Variants in WDR49 observed in about 807,000 individuals in gnomAD.
WDR49 encodes WD repeat domain 49, also known as cilia- and flagella-associated protein 337.
A neutral mutation model predicts 119.5 loss-of-function variants in WDR49; 107 were observed. The observed-to-expected ratio is 0.90, with a 90% CI of 0.77 to 1.05. The LOEUF (loss-of-function observed/expected upper bound fraction) is 1.05, where lower values mean the gene tolerates loss of function less well. Among genes scored for constraint, WDR49 ranks in the 50% least tolerant of loss-of-function variants. WDR49 has a pLI of 0.00. For synonymous variants in WDR49, 425 were observed against 418.8 expected, an observed-to-expected ratio of 1.01 and a Z score of -0.18; for missense variants, 1,240 against 1,220.5, an observed-to-expected ratio of 1.02 and a Z score of -0.24.
chr3:167,522,056 T>C (rs1444212949), intron 16 of WDR49, among the ~76,000 whole-genome samples: 1 of 152,066 alleles, frequency 6.6e-6, no homozygotes. Flanking sequence ...CACAATTAGA[T>C]TGATGATGGA....
chr3:167,585,507 G>A (rs1310967573), intron 7 of WDR49, among the ~76,000 whole-genome samples: 2 of 150,904 alleles, frequency 1.3e-5, no homozygotes, highest in African/African-American at 2.4e-5. Flanking sequence ...GTTAAATTAT[G>A]GCCATCCATA....
intron 5 of WDR49, among the ~76,000 whole-genome samples, chr3:167,616,904 A>G (rs999812674): frequency 6.6e-6 from 1 of 152,212 alleles, no homozygotes; most frequent in Non-Finnish European, 1.5e-5. Flanking sequence ...GCTTGCCCCA[A>G]GAAGGACGTT....
chr3:167,625,832 A>G (rs1315755848), intron 3 of WDR49, among the ~76,000 whole-genome samples: 1 of 152,058 alleles, frequency 6.6e-6, no homozygotes, highest in East Asian at 1.9e-4. Flanking sequence ...CACCATGTAG[A>G]CACAATCTGT....
intron 18 of WDR49, among the ~76,000 whole-genome samples, chr3:167,494,138 C>T (rs1751255410): frequency 6.6e-6 from 1 of 152,072 alleles, no homozygotes; most frequent in Non-Finnish European, 1.5e-5. Flanking sequence ...CCACATAACT[C>T]CAAGAGGCAG....
intron 7 of WDR49, among the ~76,000 whole-genome samples, chr3:167,584,248 GA>G (rs915263170): frequency 4.0e-5 from 6 of 151,852 alleles, no homozygotes; most frequent in African/African-American, 1.5e-4. Context: ...AAAATATGGA[GA>G]AAAAAAATCT....
At chr3:167,574,880 A>G (rs1714148684) in intron 8 of WDR49, among the ~76,000 whole-genome samples, 1 of 152,220 alleles carries the variant, frequency 6.6e-6, no homozygotes, top group Non-Finnish European at 1.5e-5. Flanking sequence ...TAAAACATTT[A>G]GCAGGAAATG....
intron 1 of WDR49, 63 bp from the exon 2 acceptor site, chr3:167,653,562 A>G: frequency 9.3e-7 from 1 of 1,078,010 alleles, no homozygotes; most frequent in Non-Finnish European, 1.3e-6. Flanking sequence ...CTTTCAAGGC[A>G]TACGATCAGG....
intron 12 of WDR49, 139 bp from the exon 13 acceptor site, chr3:167,531,418 A>G (rs1399961963): frequency 2.1e-6 from 2 of 966,154 alleles, no homozygotes; most frequent in Non-Finnish European, 3.0e-6. Flanking sequence ...GTCAACATCT[A>G]TCAAGCCTTC....
intron 7 of WDR49, among the ~76,000 whole-genome samples, chr3:167,595,342 T>A (rs1715361332): frequency 6.6e-6 from 1 of 152,052 alleles, no homozygotes; most frequent in African/African-American, 2.4e-5. Flanking sequence ...TACCAATGAC[T>A]TTCCTCACAG....
At chr3:167,494,115 TGC>T (rs1233839140) in intron 18 of WDR49, among the ~76,000 whole-genome samples, 5 of 152,208 alleles carry the variant, frequency 3.3e-5, no homozygotes, top group African/African-American at 1.2e-4. Context: ...CTAGCTATTG[TGC>T]TATAATTAAC....
chr3:167,634,521 C>G (rs1207375766), intron 2 of WDR49, among the ~76,000 whole-genome samples: 2 of 151,786 alleles, frequency 1.3e-5, no homozygotes, highest in African/African-American at 4.8e-5. Flanking sequence ...TTCCTTTTGC[C>G]TAAAAAGCAT....
intron 17 of WDR49, 141 bp downstream of exon 17, chr3:167,505,166 T>A: frequency 2.6e-6 from 3 of 1,147,056 alleles, no homozygotes; most frequent in Non-Finnish European, 3.3e-6. Flanking sequence ...CTTTTCTCCT[T>A]TGTTAAATGG....
intron 16 of WDR49, among the ~76,000 whole-genome samples, chr3:167,508,187 G>A (rs1288043151): frequency 6.6e-6 from 1 of 152,162 alleles, no homozygotes; most frequent in Non-Finnish European, 1.5e-5. Flanking sequence ...AAAATGCTTA[G>A]AGTAGTGGCT....
At chr3:167,559,215 C>T (rs1713119369) in intron 9 of WDR49, among the ~76,000 whole-genome samples, 1 of 152,154 alleles carries the variant, frequency 6.6e-6, no homozygotes, top group South Asian at 2.1e-4. Flanking sequence ...TCACTCTCCC[C>T]TACAGCTTAA....
intron 16 of WDR49, among the ~76,000 whole-genome samples, chr3:167,505,868 T>C (rs1751750317): frequency 1.3e-5 from 2 of 152,238 alleles, no homozygotes; most frequent in Non-Finnish European, 2.9e-5. Flanking sequence ...TCTGAGGCTT[T>C]CTCATATGAA....
chr3:167,565,380 TACACACAC>T (rs112641739), intron 8 of WDR49, among the ~76,000 whole-genome samples: 11 of 129,056 alleles, frequency 8.5e-5, no homozygotes, highest in South Asian at 2.6e-4. Flanking sequence ...CATATCTATC[TACACACAC>T]ACACACACAC....
intron 5 of WDR49, among the ~76,000 whole-genome samples, chr3:167,617,904 AC>A (rs1716678683): frequency 6.6e-6 from 1 of 152,182 alleles, no homozygotes; most frequent in Non-Finnish European, 1.5e-5. Context: ...CCCATGCTGA[AC>A]AAACTACCAA....
chr3:167,636,172 A>C (rs1268097916), intron 2 of WDR49, among the ~76,000 whole-genome samples: 1 of 151,496 alleles, frequency 6.6e-6, no homozygotes, highest in Non-Finnish European at 1.5e-5. Context: ...ACGCCTTTGC[A>C]TCCTCATAAC....
intron 6 of WDR49, 108 bp from the exon 7 acceptor site, chr3:167,602,383 C>CCTACAGTTGACA: frequency 9.8e-7 from 1 of 1,024,190 alleles, no homozygotes; most frequent in Non-Finnish European, 1.4e-6. Flanking sequence ...TGAATGTCAA[C>CCTACAGTTGACA]TGTAGGTTGA....
Sources: allele counts gnomAD v4.1 joint callset (sites outside exome capture counted in the v4.1 genomes callset), GRCh38; gene constraint gnomAD v4.1.1; transcripts MANE v1.5; gene names NCBI Gene and HGNC (gene_info 2026-07-23, HGNC 2026-07-21).